The following OXR1 variants were observed in gnomAD, a reference collection of about 807,000 sequenced individuals.
OXR1 encodes the protein oxidation resistance 1.
A neutral mutation model predicts 104.6 loss-of-function variants in OXR1; 41 were observed. The observed-to-expected ratio is 0.39, with a 90% CI of 0.31 to 0.51. The LOEUF (loss-of-function observed/expected upper bound fraction) is 0.51. OXR1 is among the 20% of genes least tolerant of loss of function. OXR1 has a pLI of 0.77. For synonymous variants in OXR1, 348 were observed against 348.4 expected (o/e 1.00, Z 0.01); for missense variants, 955 against 1,031.9 (o/e 0.93, Z 1.02).
intron 6 of OXR1, among the ~76,000 whole-genome samples, chr8:106,692,083 T>A (rs1447689386): frequency 1.3e-5 from 2 of 151,906 alleles, no homozygotes; most frequent in Non-Finnish European, 2.9e-5. Context: ...TTGTTTCCAT[T>A]TGTTTTTCCT....
intron 3 of OXR1, among the ~76,000 whole-genome samples, chr8:106,555,349 T>TA (rs1166044751): frequency 3.9e-5 from 6 of 152,154 alleles, no homozygotes; most frequent in African/African-American, 1.4e-4. Flanking sequence ...AGGCTCCCAC[T>TA]AAAAATCTAC....
intron 1 of OXR1, among the ~76,000 whole-genome samples, chr8:106,273,882 T>G (rs1811919410): frequency 1.3e-5 from 2 of 152,238 alleles, no homozygotes; most frequent in African/African-American, 4.8e-5. Flanking sequence ...AAGTAAACAT[T>G]GTTTGATAAA....
At chr8:106,311,202 A>T (rs1326095632) in intron 1 of OXR1, among the ~76,000 whole-genome samples, 2 of 151,688 alleles carry the variant, frequency 1.3e-5, no homozygotes, top group African/African-American at 4.8e-5. Flanking sequence ...TCTTCTTTTA[A>T]ATTTCAACGA....
chr8:106,597,596 T>C (rs1819629810), intron 3 of OXR1, among the ~76,000 whole-genome samples: 1 of 152,250 alleles, frequency 6.6e-6, no homozygotes, highest in African/African-American at 2.4e-5. Flanking sequence ...AAAATAGTTT[T>C]CTCTCAAGCT....
chr8:106,460,648 T>G (rs533400132), intron 2 of OXR1, among the ~76,000 whole-genome samples: 14 of 152,130 alleles, frequency 9.2e-5, no homozygotes, highest in Non-Finnish European at 1.6e-4. Context: ...TAAAAGTAAG[T>G]TAATAAGCAT....
chr8:106,519,868 T>C (rs1234873701), intron 3 of OXR1, among the ~76,000 whole-genome samples: 1 of 152,238 alleles, frequency 6.6e-6, no homozygotes, highest in African/African-American at 2.4e-5. Context: ...CCAACTTTAG[T>C]GTACCATATT....
chr8:106,519,594 A>G (rs944667673), intron 3 of OXR1, among the ~76,000 whole-genome samples: 2 of 152,150 alleles, frequency 1.3e-5, no homozygotes, highest in African/African-American at 4.8e-5. Flanking sequence ...GTTAGCCTGT[A>G]ACTAACAAAG....
At chr8:106,551,336 A>G (rs1186634703) in intron 3 of OXR1, among the ~76,000 whole-genome samples, 4 of 152,340 alleles carry the variant, frequency 2.6e-5, no homozygotes, top group Admixed American at 2.6e-4. Flanking sequence ...GTTGAAACAT[A>G]ATGATTAAGA....
intron 2 of OXR1, among the ~76,000 whole-genome samples, chr8:106,443,366 G>A (rs1819873609): frequency 6.6e-6 from 1 of 152,056 alleles, no homozygotes; most frequent in African/African-American, 2.4e-5. Flanking sequence ...ATGTGGTGCT[G>A]AGAACAATGT....
At chr8:106,556,669 C>T (rs1020343650) in intron 3 of OXR1, among the ~76,000 whole-genome samples, 2 of 152,060 alleles carry the variant, frequency 1.3e-5, no homozygotes, top group Non-Finnish European at 2.9e-5. Flanking sequence ...CCTTAAGAAT[C>T]AAAAGGCAAA....
At chr8:106,710,835 T>C (rs1172536105) in intron 10 of OXR1, 45 bp downstream of exon 10, 2 of 1,198,330 alleles carry the variant, frequency 1.7e-6, no homozygotes, top group Non-Finnish European at 2.2e-6. Flanking sequence ...TGAGATTCTT[T>C]GAACTAAAAT....
At chr8:106,708,970 G>T (rs887340239) in intron 9 of OXR1, among the ~76,000 whole-genome samples, 1 of 149,208 alleles carries the variant, frequency 6.7e-6, no homozygotes, top group Non-Finnish European at 1.5e-5. Flanking sequence ...AAGACCTAAG[G>T]GCTGTGTTCA....
chr8:106,418,634 A>T (rs1818778739), intron 2 of OXR1, among the ~76,000 whole-genome samples: 1 of 152,142 alleles, frequency 6.6e-6, no homozygotes, highest in African/African-American at 2.4e-5. Flanking sequence ...ATTAAAAATC[A>T]TGCTATTAGT....
chr8:106,676,050 G>T (rs1255308559), intron 3 of OXR1, among the ~76,000 whole-genome samples: 1 of 151,956 alleles, frequency 6.6e-6, no homozygotes, highest in African/African-American at 2.4e-5. Flanking sequence ...GCCCTTCTTT[G>T]TCTTTTTTGA....
At chr8:106,280,989 T>C (rs887918480) in intron 1 of OXR1, among the ~76,000 whole-genome samples, 2 of 152,090 alleles carry the variant, frequency 1.3e-5, no homozygotes, top group African/African-American at 4.8e-5. Flanking sequence ...TCCACAGGTG[T>C]GCAGGTACTG....
chr8:106,700,563 G>C (rs1170056583), intron 7 of OXR1, among the ~76,000 whole-genome samples: 1 of 152,154 alleles, frequency 6.6e-6, no homozygotes, highest in East Asian at 1.9e-4. Flanking sequence ...GATCAGTCTA[G>C]TGGGTAGGAC....
At chr8:106,499,826 A>G (rs1225307627) in intron 2 of OXR1, among the ~76,000 whole-genome samples, 2 of 152,252 alleles carry the variant, frequency 1.3e-5, no homozygotes, top group Non-Finnish European at 2.9e-5. Flanking sequence ...CATGTGTGGT[A>G]GAAAAAAGAC....
rs528552058 is a variant in OXR1 at position 106,692,912 on chromosome 8, A to G, written c.675+35A>G. On this transcript the variant is annotated intron_variant, in intron 7 of 16. Transcript: ENST00000517566. ...GACACTTTAGAGAAGACCTTTAATC[A>G]TGCTTTAGTTATTACTAATGTATGA... 42 of 1,469,638 alleles carry G rather than the reference A, an allele frequency of 2.9e-5. No individual in the cohort carries two copies. The East Asian group carries it at 8.4e-4, about 30-fold the overall frequency. 91.0% of individuals were successfully genotyped at this position (1,469,638 alleles called of 1,614,324 possible).
At chr8:106,361,478 T>C (rs1229773212) in intron 2 of OXR1, among the ~76,000 whole-genome samples, 1 of 152,194 alleles carries the variant, frequency 6.6e-6, no homozygotes, top group Non-Finnish European at 1.5e-5. Flanking sequence ...GGCATCCTCA[T>C]TCTCCCACTT....
Sources: allele counts gnomAD v4.1 joint callset (sites outside exome capture counted in the v4.1 genomes callset), GRCh38; gene constraint gnomAD v4.1.1; transcripts MANE v1.5; gene names NCBI Gene and HGNC (gene_info 2026-07-23, HGNC 2026-07-21).